Variants in LRRC8B observed in about 807,000 individuals in gnomAD.
The protein encoded by LRRC8B is volume-regulated anion channel subunit LRRC8B.
LRRC8B carries 23 observed loss-of-function variants against 58.8 expected under a neutral mutation model. The ratio of observed to expected loss-of-function variants is 0.39; its 90% CI spans 0.28 to 0.55. LRRC8B has a LOEUF of 0.55. LRRC8B is among the 20% of genes least tolerant of loss of function. The pLI is 0.62. For missense variants in LRRC8B, 694 were observed against 936.0 expected (o/e 0.74, Z 3.37); for synonymous variants, 359 against 374.1 (o/e 0.96, Z 0.47).
At chr1:89,541,710 CAAAAAAAAAAAAAAAAAAAAAAAAAAAA>C (rs61714771) in intron 1 of LRRC8B, among the ~76,000 whole-genome samples, 1 of 42,220 alleles carries the variant, frequency 2.4e-5, no homozygotes, top group East Asian at 7.2e-4. Context: ...GACTCCGTCT[CAAAAAAAAAAAAAAAAAAAAAAAAAAAA>C]AAAAAAAAAA....
chr1:89,530,200 A>G (rs945093068), intron 1 of LRRC8B, among the ~76,000 whole-genome samples: 2 of 151,448 alleles, frequency 1.3e-5, no homozygotes, highest in African/African-American at 4.8e-5. Context: ...AATACAAAAA[A>G]AAAAAAAAAT....
chr1:89,572,197 A>G (rs986266405), intron 3 of LRRC8B, among the ~76,000 whole-genome samples: 2 of 152,176 alleles, frequency 1.3e-5, no homozygotes, highest in Non-Finnish European at 2.9e-5. Context: ...GTAGGGTTTC[A>G]GCTGAGAGGT....
chr1:89,539,688 AT>A (rs1436295053), intron 1 of LRRC8B, among the ~76,000 whole-genome samples: 1 of 152,198 alleles, frequency 6.6e-6, no homozygotes, highest in Non-Finnish European at 1.5e-5. Context: ...GCCAGCTGTA[AT>A]GTTCACCAGT....
At chr1:89,569,279 TTTGAG>T (rs1369851184) in intron 3 of LRRC8B, among the ~76,000 whole-genome samples, 1 of 152,220 alleles carries the variant, frequency 6.6e-6, no homozygotes, top group African/African-American at 2.4e-5. Context: ...ATTCTGACTC[TTTGAG>T]TTAACTATAA....
chr1:89,593,133 G>A lies in LRRC8B; in HGVS notation c.*90G>A, dbSNP rs1364367642. On this transcript the variant is annotated 3_prime_UTR_variant, in exon 6 of 6. Transcript: ENST00000330947. ...CTCATGCCTATAATCCCAGCACTTT[G>A]GGAGGCCAAGATGGGCGGATTGCTT... The A allele has an allele frequency of 8.2e-6, 11 of 1,348,582 alleles. No homozygotes were observed. The Admixed American group carries it at 2.2e-4, about 26-fold the overall frequency. The allele number at this position is 1,348,582 out of a possible 1,614,324, so 83.5% of individuals were successfully genotyped here.
chr1:89,542,029 C>T (rs1168819559), intron 1 of LRRC8B, among the ~76,000 whole-genome samples: 41 of 152,020 alleles, frequency 2.7e-4, no homozygotes, highest in Admixed American at 2.7e-3. Context: ...TGGCTTTTAC[C>T]TTTAAAAGTT....
At chr1:89,568,036 A>C (rs1401799369) in intron 1 of LRRC8B, among the ~76,000 whole-genome samples, 1 of 152,160 alleles carries the variant, frequency 6.6e-6, no homozygotes, top group African/African-American at 2.4e-5. Context: ...AACTGTCCCA[A>C]ATGTTAAGTC....
At chr1:89,539,466 G>A (rs140323062) in intron 1 of LRRC8B, among the ~76,000 whole-genome samples, 1 of 152,318 alleles carries the variant, frequency 6.6e-6, no homozygotes, top group African/African-American at 2.4e-5. Context: ...CATTGTGGGG[G>A]TATAGGGACT....
At chr1:89,558,550 G>A (rs1484835157) in intron 1 of LRRC8B, among the ~76,000 whole-genome samples, 1 of 152,190 alleles carries the variant, frequency 6.6e-6, no homozygotes, top group African/African-American at 2.4e-5. Context: ...GACAGTGGTA[G>A]CAAGATTGTA....
In LRRC8B at chr1:89,597,421, G is replaced by C. The variant is rs941370134; in HGVS notation, c.*4378G>C. Reference sequence around the variant, plus strand: ...GTACATTATCTCTAACAGAGATGGTGCAATTTTAAGAATACAAAGGGGTAT... The same window carrying C: ...GTACATTATCTCTAACAGAGATGGTCCAATTTTAAGAATACAAAGGGGTAT... On this transcript the variant is annotated 3_prime_UTR_variant, in exon 6 of 6. Transcript: ENST00000330947. The C allele has an allele frequency of 2.0e-5, 3 of 152,308 alleles. No homozygotes were observed. Among genetic ancestry groups the C allele is most frequent in the African/African-American group, 7.2e-5 (3 of 41,544 alleles). 9.4% of individuals were successfully genotyped at this position (152,308 alleles called of 1,614,324 possible).
chr1:89,584,408 T>A lies in LRRC8B; in HGVS notation c.1758T>A (p.Asn586Lys), dbSNP rs752738776. Reference protein sequence around the residue: ...VVLNNLKKMVNLKSLELISCD... With the variant: ...VVLNNLKKMVKLKSLELISCD... ...TGAACAACTTGAAAAAGATGGTCAA[T>A]CTGAAAAGCCTAGAACTGATCAGCT... Residue 586 changes from asparagine to lysine, a missense_variant, in exon 5 of 6, where the codon AAT becomes AAA. Asn to Lys is a moderately conservative substitution (Grantham distance 94). Coordinates refer to ENST00000330947, the MANE Select transcript of LRRC8B (RefSeq NM_001369817.2). 3.7e-6 allele frequency: 6 copies of A among 1,614,160 alleles called. No individual in the cohort carries two copies. The South Asian group carries it at 6.6e-5, about 18-fold the overall frequency.
intron 5 of LRRC8B, 77 bp from the exon 6 acceptor site, chr1:89,592,694 T>TC (rs1655059675): frequency 1.6e-6 from 2 of 1,275,860 alleles, no homozygotes; most frequent in Non-Finnish European, 2.2e-6. Flanking sequence ...TTTTTTTTTT[T>TC]TTGGAAAAAA....
chr1:89,576,356 T>A (rs576815487), intron 3 of LRRC8B, among the ~76,000 whole-genome samples: 1 of 152,318 alleles, frequency 6.6e-6, no homozygotes, highest in South Asian at 2.1e-4. Flanking sequence ...ATTGTCTATC[T>A]TGTACGCTTT....
chr1:89,597,341 A>G lies in LRRC8B; in HGVS notation c.*4298A>G, dbSNP rs556171745. The G allele has an allele frequency of 2.6e-5, 4 of 152,336 alleles. No homozygotes were observed. The highest frequency in any genetic ancestry group is 9.6e-5 in the African/African-American group (4 of 41,578). The allele number at this position is 152,336 out of a possible 1,614,324, so 9.4% of individuals were successfully genotyped here. A position where few individuals can be genotyped will look rare whatever the true frequency, so the allele number is the denominator to read the frequency against. ...ATTTCATATTTAACTTTTGCATTTA[A>G]CTTGTATAATACACTACTGCTGAGA... On this transcript the variant is annotated 3_prime_UTR_variant, in exon 6 of 6. Transcript: ENST00000330947.
At chr1:89,553,173 A>C (rs116252522) in intron 1 of LRRC8B, among the ~76,000 whole-genome samples, 3,195 of 152,266 alleles carry the variant, frequency 0.021, 102 homozygotes, top group African/African-American at 0.073. Flanking sequence ...GGTTAAAAAC[A>C]CTCTTTAAAA....
intron 1 of LRRC8B, among the ~76,000 whole-genome samples, chr1:89,525,855 A>G (rs1649653906): frequency 6.6e-6 from 1 of 152,170 alleles, no homozygotes; most frequent in South Asian, 2.1e-4. Context: ...TCGCCTAAAG[A>G]CTTCAAACAA....
chr1:89,530,652 G>C (rs1650055952), intron 1 of LRRC8B, among the ~76,000 whole-genome samples: 1 of 152,194 alleles, frequency 6.6e-6, no homozygotes, highest in Non-Finnish European at 1.5e-5. Context: ...AAAATCAGTA[G>C]CGCATAAAGC....
At chr1:89,575,644 A>G (rs183658591) in intron 3 of LRRC8B, among the ~76,000 whole-genome samples, 6 of 152,322 alleles carry the variant, frequency 3.9e-5, no homozygotes, top group African/African-American at 1.4e-4. Context: ...GAAAGGCTCT[A>G]TCACCCTGAA....
intron 5 of LRRC8B, among the ~76,000 whole-genome samples, chr1:89,589,843 G>C (rs2101097833): frequency 6.6e-6 from 1 of 151,568 alleles, no homozygotes; most frequent in African/African-American, 2.4e-5. Flanking sequence ...GAAAAAGCCA[G>C]GGGTATTTAA....
Sources: gnomAD v4.1 joint callset for allele counts (sites outside exome capture counted in the v4.1 genomes callset) on GRCh38, gnomAD v4.1.1 for gene constraint, MANE v1.5 for transcripts, NCBI Gene and HGNC (gene_info 2026-07-23, HGNC 2026-07-21) for gene names.